Variants in SMAD3 observed in about 807,000 individuals in gnomAD.
SMAD3 encodes MAD homolog 3.
A neutral mutation model predicts 51.8 loss-of-function variants in SMAD3; 12 were observed. The ratio of observed to expected loss-of-function variants is 0.23; its 90% CI spans 0.15 to 0.38. SMAD3 has a LOEUF of 0.38. SMAD3 is among the 10% of genes least tolerant of loss of function. The pLI is 1.00. For synonymous variants in SMAD3, 238 were observed against 227.7 expected, an observed-to-expected ratio of 1.05 and a Z score of -0.41; for missense variants, 294 against 565.6, an observed-to-expected ratio of 0.52 and a Z score of 4.87.
At chr15:67,119,252 G>A (rs1291924655) in intron 1 of SMAD3, among the ~76,000 whole-genome samples, 2 of 152,238 alleles carry the variant, frequency 1.3e-5, no homozygotes, top group African/African-American at 4.8e-5. Context: ...ATGTTGCAGA[G>A]AACCCAGAAT....
Position 67,194,111 on chromosome 15 carries a change from C to CT in SMAD3, c.*3577dup, listed in dbSNP as rs1426676088. The CT allele has an allele frequency of 4.3e-6, 1 of 233,330 alleles. No homozygotes were observed. Among genetic ancestry groups the CT allele is most frequent in the East Asian group, 6.0e-5 (1 of 16,740 alleles). The allele number at this position is 233,330 out of a possible 1,614,324, so 14.5% of individuals were successfully genotyped here. ...ACCCGTTTAGCCCTGGACCCTGTTT[C>CT]TTACTGTGTGACTTGGCTAGAGTTG... On this transcript the variant is annotated 3_prime_UTR_variant, in exon 9 of 9. Transcript: ENST00000327367.
chr15:67,166,851 C>T lies in SMAD3; in HGVS notation c.605C>T (p.Ala202Val). The T allele has an allele frequency of 6.3e-7, 1 of 1,587,244 alleles. No homozygotes were observed. The highest frequency in any genetic ancestry group is 1.2e-5 in the South Asian group (1 of 86,672). The change falls in exon 4 of 9, where the codon GCA becomes GTA. Residue 202 changes from alanine (A) to valine (V), a missense_variant and splice_region_variant. By Grantham distance (64) the Ala-to-Val change is moderately conservative (BLOSUM62 0). Transcript: ENST00000327367. ...CACCAGATGAACCACAGCATGGACG[C>T]AGGTCAGTCATGCAGGGTCATGCTC... The part of the protein sequence containing the change: ...SDHQMNHSMD[A>V]GSPNLSPNPM...
intron 1 of SMAD3, among the ~76,000 whole-genome samples, chr15:67,115,671 G>T (rs1744112141): frequency 6.6e-6 from 1 of 151,830 alleles, no homozygotes; most frequent in Admixed American, 6.6e-5. Flanking sequence ...CACCCTCCTG[G>T]AGTCATGGCA....
At chr15:67,068,805 C>G (rs1168636410) in intron 1 of SMAD3, among the ~76,000 whole-genome samples, 1 of 152,130 alleles carries the variant, frequency 6.6e-6, no homozygotes, top group African/African-American at 2.4e-5. Flanking sequence ...AAGGCCACGT[C>G]TTGGGGAGGT....
intron 6 of SMAD3, among the ~76,000 whole-genome samples, chr15:67,183,001 ATAT>A (rs1484690144): frequency 8.0e-4 from 38 of 47,476 alleles, no homozygotes; most frequent in African/African-American, 2.7e-3. Flanking sequence ...AAAAAAAAAA[ATAT>A]ATATATATAT....
chr15:67,175,378 C>T (rs1056246292), intron 5 of SMAD3, among the ~76,000 whole-genome samples: 4 of 152,046 alleles, frequency 2.6e-5, no homozygotes, highest in Admixed American at 1.3e-4. Flanking sequence ...TGGCTGATGC[C>T]GGATGCAGTG....
At chr15:67,103,461 T>C (rs1960806377) in intron 1 of SMAD3, among the ~76,000 whole-genome samples, 1 of 152,180 alleles carries the variant, frequency 6.6e-6, no homozygotes, top group Admixed American at 6.5e-5. Flanking sequence ...TATTCATGGT[T>C]TTGTGTCCAG....
intron 1 of SMAD3, among the ~76,000 whole-genome samples, chr15:67,131,980 A>G (rs943602351): frequency 4.6e-5 from 7 of 152,268 alleles, no homozygotes; most frequent in African/African-American, 1.7e-4. Context: ...CTTCTGTCTT[A>G]TCATGCAGGG....
chr15:67,115,024 A>G (rs1001541378), intron 1 of SMAD3, among the ~76,000 whole-genome samples: 7 of 152,074 alleles, frequency 4.6e-5, no homozygotes, highest in African/African-American at 7.2e-5. Context: ...TGTTGACCCT[A>G]TCTTACCCAT....
intron 1 of SMAD3, among the ~76,000 whole-genome samples, chr15:67,094,140 C>T (rs1015156682): frequency 8.5e-5 from 13 of 152,180 alleles, no homozygotes; most frequent in East Asian, 1.9e-4. Context: ...CTGAGGCCTG[C>T]GTGGGGTGGC....
chr15:67,079,994 T>G (rs1322295707), intron 1 of SMAD3, among the ~76,000 whole-genome samples: 1 of 152,218 alleles, frequency 6.6e-6, no homozygotes, highest in Non-Finnish European at 1.5e-5. Context: ...ACATAATTTA[T>G]CAAACAAACC....
chr15:67,170,768 CG>C, intron 5 of SMAD3, 164 bp downstream of exon 5: 1 of 616,798 alleles, frequency 1.6e-6, no homozygotes, highest in Non-Finnish European at 2.9e-6. Flanking sequence ...GAGGTCACCA[CG>C]GAATGGGGAA....
chr15:67,089,409 A>G (rs182367498), intron 1 of SMAD3, among the ~76,000 whole-genome samples: 271 of 152,334 alleles, frequency 1.8e-3, no homozygotes, highest in African/African-American at 6.2e-3. Context: ...ATACTTGGTC[A>G]TGTGCAGAGC....
At chr15:67,131,685 C>G (rs1352635197) in intron 1 of SMAD3, among the ~76,000 whole-genome samples, 1 of 152,168 alleles carries the variant, frequency 6.6e-6, no homozygotes, top group Non-Finnish European at 1.5e-5. Flanking sequence ...CTAACTTAGC[C>G]ACTATACCTC....
chr15:67,147,724 T>A (rs2015272), intron 1 of SMAD3, among the ~76,000 whole-genome samples: 2 of 152,206 alleles, frequency 1.3e-5, no homozygotes, highest in Non-Finnish European at 2.9e-5. Context: ...ACCTGTCTCA[T>A]TCATTCCATG....
intron 1 of SMAD3, among the ~76,000 whole-genome samples, chr15:67,127,283 C>T (rs1165528577): frequency 6.6e-6 from 1 of 152,222 alleles, no homozygotes; most frequent in Non-Finnish European, 1.5e-5. Context: ...TCTCCTCCCT[C>T]TGTTTCTGCA....
At chr15:67,153,126 C>A (rs993676416) in intron 1 of SMAD3, among the ~76,000 whole-genome samples, 1 of 152,122 alleles carries the variant, frequency 6.6e-6, no homozygotes, top group Non-Finnish European at 1.5e-5. Context: ...AGATACTCAG[C>A]CTGCAGGATC....
At chr15:67,087,167 C>T (rs955693459) in intron 1 of SMAD3, among the ~76,000 whole-genome samples, 5 of 152,158 alleles carry the variant, frequency 3.3e-5, no homozygotes, top group African/African-American at 1.2e-4. Context: ...GGGTTACAGG[C>T]ATGAGCCACA....
At chr15:67,111,157 C>T (rs1961004484) in intron 1 of SMAD3, among the ~76,000 whole-genome samples, 2 of 152,208 alleles carry the variant, frequency 1.3e-5, no homozygotes, top group African/African-American at 4.8e-5. Flanking sequence ...ACTTCCTGCC[C>T]ATCCCCCTTA....
Sources: allele counts gnomAD v4.1 joint callset (sites outside exome capture counted in the v4.1 genomes callset), GRCh38; gene constraint gnomAD v4.1.1; transcripts MANE v1.5; gene names NCBI Gene and HGNC (gene_info 2026-07-23, HGNC 2026-07-21).